The following INPP4B variants were observed in gnomAD, a reference collection of about 807,000 sequenced individuals.
INPP4B encodes the protein inositol polyphosphate-4-phosphatase type II B, also known as inositol polyphosphate 4-phosphatase type II.
Under a neutral mutation model 122.5 loss-of-function variants are expected in INPP4B, and 55 were observed. The observed-to-expected ratio is 0.45, with a 90% CI of 0.36 to 0.56. The LOEUF is 0.56. Ranked by LOEUF, INPP4B falls within the 20% of genes least tolerant of loss-of-function variation. The pLI, the probability that INPP4B is intolerant of heterozygous loss-of-function variation, is 0.00. For missense variants in INPP4B, 1,000 were observed against 1,097.7 expected, an observed-to-expected ratio of 0.91 and a Z score of 1.26; for synonymous variants, 403 against 388.7, an observed-to-expected ratio of 1.04 and a Z score of -0.43.
At chr4:142,568,403 CT>C (rs1277081028) in intron 2 of INPP4B, among the ~76,000 whole-genome samples, 1 of 152,094 alleles carries the variant, frequency 6.6e-6, no homozygotes, top group Non-Finnish European at 1.5e-5. Flanking sequence ...TGGAACTCTT[CT>C]TGTTTTTCTT....
chr4:142,226,371 C>T (rs2149778408), intron 12 of INPP4B, among the ~76,000 whole-genome samples: 1 of 152,204 alleles, frequency 6.6e-6, no homozygotes, highest in Non-Finnish European at 1.5e-5. Context: ...TTTCTCCCAT[C>T]TGTCAATTAT....
intron 2 of INPP4B, among the ~76,000 whole-genome samples, chr4:142,515,010 G>T (rs1160362316): frequency 1.3e-5 from 2 of 151,578 alleles, no homozygotes; most frequent in Non-Finnish European, 2.9e-5. Context: ...TGGCCAGGCT[G>T]GTCTTAAACT....
chr4:142,543,188 G>T (rs986900065), intron 2 of INPP4B, among the ~76,000 whole-genome samples: 15 of 152,080 alleles, frequency 9.9e-5, no homozygotes, highest in Non-Finnish European at 2.1e-4. Context: ...AATCCCAAGA[G>T]AAATCATTGC....
At chr4:142,351,691 A>C (rs1400753917) in intron 7 of INPP4B, among the ~76,000 whole-genome samples, 7 of 152,020 alleles carry the variant, frequency 4.6e-5, no homozygotes, top group African/African-American at 1.7e-4. Context: ...GTAGAAAATA[A>C]ATAAGTTGGC....
At chr4:142,178,416 C>G (rs1360014632) in intron 15 of INPP4B, among the ~76,000 whole-genome samples, 1 of 152,096 alleles carries the variant, frequency 6.6e-6, no homozygotes, top group African/African-American at 2.4e-5. Context: ...AAGTCCTTGA[C>G]TTATGGTTAG....
At chr4:142,322,636 T>C (rs1436283636) in intron 7 of INPP4B, among the ~76,000 whole-genome samples, 2 of 152,220 alleles carry the variant, frequency 1.3e-5, no homozygotes, top group Admixed American at 1.3e-4. Flanking sequence ...AAGTGGGCTA[T>C]TATTACCATA....
At chr4:142,283,153 T>C (rs1456532677) in intron 9 of INPP4B, among the ~76,000 whole-genome samples, 2 of 152,080 alleles carry the variant, frequency 1.3e-5, no homozygotes, top group Non-Finnish European at 2.9e-5. Context: ...TAAGATACTG[T>C]GACTGACTGG....
intron 1 of INPP4B, among the ~76,000 whole-genome samples, chr4:142,748,233 T>G (rs149273178): frequency 6.6e-6 from 1 of 152,036 alleles, no homozygotes; most frequent in Non-Finnish European, 1.5e-5. Context: ...AACAGAGTAA[T>G]AGAGGACACA....
intron 21 of INPP4B, among the ~76,000 whole-genome samples, chr4:142,120,577 T>C (rs1184507112): frequency 6.6e-6 from 1 of 152,132 alleles, no homozygotes; most frequent in Non-Finnish European, 1.5e-5. Context: ...TTCGATGTGA[T>C]TATAAGTTAG....
chr4:142,548,500 A>G (rs995070436), intron 2 of INPP4B, among the ~76,000 whole-genome samples: 12 of 152,220 alleles, frequency 7.9e-5, no homozygotes, highest in African/African-American at 2.9e-4. Flanking sequence ...GAAATATGAC[A>G]TGAAGTTAAC....
chr4:142,632,335 C>A (rs1407874246), intron 2 of INPP4B, among the ~76,000 whole-genome samples: 1 of 151,932 alleles, frequency 6.6e-6, no homozygotes, highest in Non-Finnish European at 1.5e-5. Context: ...ACAAGCCATG[C>A]ACAGAAAGAC....
chr4:142,711,699 G>T (rs1440082267), intron 2 of INPP4B, among the ~76,000 whole-genome samples: 1 of 152,100 alleles, frequency 6.6e-6, no homozygotes, highest in Non-Finnish European at 1.5e-5. Flanking sequence ...GGGGACTTTG[G>T]AAAGTGATTA....
intron 25 of INPP4B, among the ~76,000 whole-genome samples, chr4:142,052,384 A>T (rs1431836501): frequency 1.3e-5 from 2 of 152,024 alleles, no homozygotes; most frequent in African/African-American, 4.8e-5. Flanking sequence ...TTGCTACCTG[A>T]AGTATAACCC....
chr4:142,511,868 T>C (rs1824765456), intron 2 of INPP4B, among the ~76,000 whole-genome samples: 1 of 152,218 alleles, frequency 6.6e-6, no homozygotes, highest in Admixed American at 6.5e-5. Context: ...ACCCTTAATA[T>C]AACATTTAAG....
chr4:142,277,006 A>C (rs1748786977), intron 9 of INPP4B, among the ~76,000 whole-genome samples: 1 of 151,764 alleles, frequency 6.6e-6, no homozygotes, highest in Non-Finnish European at 1.5e-5. Context: ...AATTGCATTA[A>C]AATTAACAGG....
At chr4:142,268,402 G>A (rs901983224) in intron 10 of INPP4B, among the ~76,000 whole-genome samples, 1 of 147,130 alleles carries the variant, frequency 6.8e-6, no homozygotes, top group Non-Finnish European at 1.5e-5. Flanking sequence ...GAACCCTTAT[G>A]CACTGTTGAG....
intron 9 of INPP4B, among the ~76,000 whole-genome samples, chr4:142,293,441 T>G (rs1440029371): frequency 6.6e-6 from 1 of 152,158 alleles, no homozygotes; most frequent in African/African-American, 2.4e-5. Context: ...AGCAATCTGT[T>G]TATGTTGGCA....
chr4:142,238,636 C>T (rs975315507), intron 11 of INPP4B, among the ~76,000 whole-genome samples: 1 of 152,056 alleles, frequency 6.6e-6, no homozygotes, highest in African/African-American at 2.4e-5. Flanking sequence ...GTCAATAACA[C>T]ACTTTTCTGA....
chr4:142,490,037 A>G (rs1821685061), intron 2 of INPP4B, among the ~76,000 whole-genome samples: 1 of 151,558 alleles, frequency 6.6e-6, no homozygotes, highest in African/African-American at 2.4e-5. Context: ...TGGAGGGGGG[A>G]AAGGAGGGTC....
Sources: allele counts gnomAD v4.1 joint callset (sites outside exome capture counted in the v4.1 genomes callset), GRCh38; gene constraint gnomAD v4.1.1; transcripts MANE v1.5; gene names NCBI Gene and HGNC (gene_info 2026-07-23, HGNC 2026-07-21).